Variants in KPNA1 observed in about 807,000 individuals in gnomAD.
KPNA1 encodes the protein karyopherin subunit alpha 1.
KPNA1 carries 10 observed loss-of-function variants against 70.5 expected under a neutral mutation model. The observed-to-expected ratio is 0.14, with a 90% CI of 0.09 to 0.24. KPNA1 has a LOEUF of 0.24. KPNA1 is among the 10% of genes least tolerant of loss of function. KPNA1 has a pLI of 1.00. For missense variants in KPNA1, 397 were observed against 637.9 expected (o/e 0.62, Z 4.07); for synonymous variants, 192 against 221.9 (o/e 0.87, Z 1.20).
rs2076203878 is a variant in KPNA1, at chr3:122,451,633, C to T, written c.654G>A (p.Gln218=). The change falls in exon 8 of 14, where the codon CAG becomes CAA. Residue 218 remains glutamine, a splice_region_variant and synonymous_variant. Transcript: ENST00000344337. ...TCAGGCGGTTTTGCTTTGAAAATAA[C>T]CTAAAAGCACGATGGTACAATGGTA... ...LDCNILPPLL[Q]LFSKQNRLTM... 1 of 1,597,938 alleles carries T rather than the reference C, an allele frequency of 6.3e-7. No homozygotes were observed. Among genetic ancestry groups the T allele is most frequent in the Non-Finnish European group, 8.6e-7 (1 of 1,165,646 alleles).
intron 3 of KPNA1, among the ~76,000 whole-genome samples, chr3:122,465,788 G>T (rs1288793760): frequency 6.6e-6 from 1 of 152,194 alleles, no homozygotes; most frequent in Non-Finnish European, 1.5e-5. Context: ...TGTAGTCCAA[G>T]TTGGCCTCAT....
rs186706072 is a variant in KPNA1 at position 122,471,091 on chromosome 3, T to G, written c.130-3662A>C. Among the ~76,000 whole-genome samples the G allele has an allele frequency of 1.8e-4, 27 of 152,266 alleles. No homozygotes were observed. The East Asian group carries it at 5.2e-3, about 29-fold the overall frequency. ...TAGTACCTGCAACTTGTCACACAGA[T>G]GCAAAATTGGAATTCAGTGGCCACA... On this transcript the variant is annotated intron_variant, in intron 2 of 13. Transcript: ENST00000344337.
chr3:122,457,513 C>G (rs2076277322), intron 5 of KPNA1, among the ~76,000 whole-genome samples: 1 of 152,148 alleles, frequency 6.6e-6, no homozygotes, highest in East Asian at 1.9e-4. Context: ...TGGCATCATA[C>G]AAGGAAACAA....
intron 2 of KPNA1, among the ~76,000 whole-genome samples, chr3:122,482,212 T>A (rs1270883831): frequency 1.3e-5 from 2 of 152,258 alleles, no homozygotes; most frequent in Non-Finnish European, 2.9e-5. Context: ...TACAGCACGT[T>A]ACTGTACTGA....
chr3:122,477,075 T>C (rs10934599), intron 2 of KPNA1, among the ~76,000 whole-genome samples: 77,223 of 151,724 alleles, frequency 0.51, 20,127 homozygotes, highest in East Asian at 0.64. Context: ...GGTCTATATA[T>C]ACAACAGACC....
At chr3:122,497,549 G>A (rs1289881549) in intron 1 of KPNA1, among the ~76,000 whole-genome samples, 1 of 152,204 alleles carries the variant, frequency 6.6e-6, no homozygotes, top group African/African-American at 2.4e-5. Flanking sequence ...AGCAGCATAT[G>A]AGGCTTGCAG....
intron 2 of KPNA1, among the ~76,000 whole-genome samples, chr3:122,485,143 T>G (rs2076615345): frequency 2.0e-5 from 3 of 152,028 alleles, no homozygotes; most frequent in African/African-American, 7.2e-5. Flanking sequence ...CAAACTCCTG[T>G]GCTTAAGCAA....
rs565334125 is a variant in KPNA1, at chr3:122,426,664, C to T, written c.*321G>A. On this transcript the variant is annotated 3_prime_UTR_variant, in exon 14 of 14. Coordinates refer to ENST00000344337, the MANE Select transcript of KPNA1 (RefSeq NM_002264.4). ...TGAGGAGGAGTCCTCTTTTATTCCC[C>T]CACAAGAAAAAGGGAGCCACATTAA... 5.5e-5 allele frequency: 12 copies of T among 219,524 alleles called. No homozygotes were observed. Among genetic ancestry groups the T allele is most frequent in the African/African-American group, 2.5e-4 (11 of 44,064 alleles). 13.6% of individuals were successfully genotyped at this position (219,524 alleles called of 1,614,324 possible). A position where few individuals can be genotyped will look rare whatever the true frequency, so the allele number is the denominator to read the frequency against.
chr3:122,503,218 A>C (rs1305762838), intron 1 of KPNA1, among the ~76,000 whole-genome samples: 2 of 152,154 alleles, frequency 1.3e-5, no homozygotes, highest in Non-Finnish European at 1.5e-5. Context: ...TGGAGTTGTA[A>C]GGGTAAGCAA....
intron 11 of KPNA1, among the ~76,000 whole-genome samples, 159 bp downstream of exon 11, chr3:122,437,011 C>A (rs762830536): frequency 2.6e-5 from 4 of 152,132 alleles, no homozygotes; most frequent in South Asian, 4.1e-4. Flanking sequence ...AACTCCTGAC[C>A]GCAAGTGATC....
At chr3:122,445,874 A>C (rs2076130475) in intron 9 of KPNA1, among the ~76,000 whole-genome samples, 2 of 152,208 alleles carry the variant, frequency 1.3e-5, no homozygotes, top group African/African-American at 4.8e-5. Context: ...TTGCAATCCT[A>C]GTCTCTGATA....
intron 5 of KPNA1, among the ~76,000 whole-genome samples, chr3:122,458,166 A>G (rs919856264): frequency 1.3e-5 from 2 of 152,224 alleles, no homozygotes; most frequent in Non-Finnish European, 2.9e-5. Flanking sequence ...CTTCTATAAG[A>G]AAGTTTGGGA....
chr3:122,512,157 T>C (rs926397711), intron 1 of KPNA1, among the ~76,000 whole-genome samples: 12 of 151,694 alleles, frequency 7.9e-5, no homozygotes, highest in South Asian at 2.1e-4. Flanking sequence ...AGTCAAAGTA[T>C]AGAGAAACAG....
chr3:122,462,464 C>A (rs1383600572), intron 4 of KPNA1, among the ~76,000 whole-genome samples: 3 of 152,066 alleles, frequency 2.0e-5, no homozygotes, highest in African/African-American at 7.2e-5. Flanking sequence ...TAACCTCTCA[C>A]CATACCCTAC....
intron 2 of KPNA1, among the ~76,000 whole-genome samples, chr3:122,486,327 A>C (rs2076628180): frequency 6.6e-6 from 1 of 152,252 alleles, no homozygotes; most frequent in African/African-American, 2.4e-5. Flanking sequence ...CAAAACAATA[A>C]GTGAATACCA....
intron 5 of KPNA1, chr3:122,459,921 C>CAGT: frequency 1.0e-6 from 1 of 985,288 alleles, no homozygotes; most frequent in Non-Finnish European, 1.2e-6. Flanking sequence ...ATGGTGTAGA[C>CAGT]AGTAAGGAAC....
At chr3:122,461,164 C>CA in intron 5 of KPNA1, 60 bp downstream of exon 5, 1 of 1,079,260 alleles carries the variant, frequency 9.3e-7, no homozygotes. Context: ...AATTTGTGTA[C>CA]AAAATAAAAA....
intron 2 of KPNA1, among the ~76,000 whole-genome samples, chr3:122,480,482 T>C (rs1560044735): frequency 1.3e-5 from 2 of 151,030 alleles, no homozygotes; most frequent in Non-Finnish European, 3.0e-5. Flanking sequence ...AATAGTGAAA[T>C]AAACTTTTTT....
intron 12 of KPNA1, among the ~76,000 whole-genome samples, chr3:122,431,693 AAGGGAC>A (rs1474072445): frequency 6.6e-6 from 1 of 152,234 alleles, no homozygotes. Context: ...GAATTTTAAA[AAGGGAC>A]AGCAGCAATT....
Sources: allele counts gnomAD v4.1 joint callset (sites outside exome capture counted in the v4.1 genomes callset), GRCh38; gene constraint gnomAD v4.1.1; transcripts MANE v1.5; gene names NCBI Gene and HGNC (gene_info 2026-07-23, HGNC 2026-07-21).